ABHD18: variants seen among roughly 807,000 people sequenced by gnomAD.
ABHD18 encodes abhydrolase domain containing 18.
Under a neutral mutation model 65.9 loss-of-function variants are expected in ABHD18, and 55 were observed. The observed-to-expected ratio is 0.84, with a 90% CI of 0.67 to 1.05. The LOEUF (loss-of-function observed/expected upper bound fraction) is 1.05, where lower values mean the gene tolerates loss of function less well. ABHD18 is among the 50% of genes least tolerant of loss of function. ABHD18 has a pLI of 0.00. For missense variants in ABHD18, 533 were observed against 558.5 expected, an observed-to-expected ratio of 0.95 and a Z score of 0.46; for synonymous variants, 181 against 180.2, an observed-to-expected ratio of 1.00 and a Z score of -0.04.
chr4:127,972,695 C>T (rs1439768393), intron 1 of ABHD18, among the ~76,000 whole-genome samples: 2 of 151,746 alleles, frequency 1.3e-5, no homozygotes, highest in African/African-American at 2.4e-5. Flanking sequence ...CGTGAGCCAC[C>T]GTGCCTGGCC....
chr4:127,967,480 A>G (rs1236477584), intron 1 of ABHD18, among the ~76,000 whole-genome samples: 1 of 152,198 alleles, frequency 6.6e-6, no homozygotes, highest in Non-Finnish European at 1.5e-5. Context: ...TTCAGTTTTT[A>G]TCTAAGTGAA....
At position 128,021,162 on chromosome 4, in the gene ABHD18, G is replaced by A; in HGVS notation, c.725G>A (p.Trp242Ter). 1.3e-6 allele frequency: 2 copies of A among 1,547,576 alleles called. No individual in the cohort carries two copies. The highest frequency in any genetic ancestry group is 1.7e-6 in the Non-Finnish European group (2 of 1,144,484). The change falls in exon 10 of 13, where the codon TGG (tryptophan) becomes TAG (stop). Residue 242 changes from tryptophan to a stop codon, truncating the protein, a stop_gained. Coordinates refer to ENST00000645843, the MANE Select transcript of ABHD18 (RefSeq NM_001358451.3). LOFTEE classifies it high-confidence loss of function. ...GGTGTGTTGAGTAAATCAATTAATT[G>A]GAGGGAGCTGGAAAAGCAATATTAT... is the stretch of plus-strand genomic sequence containing the variant. ...TTGVLSKSIN[W>*]RELEKQYYTQ...
At position 128,009,108 on chromosome 4, in the gene ABHD18, A is replaced by G. The variant is rs1302079040; in HGVS notation, c.359A>G (p.His120Arg). 2.5e-6 allele frequency: 4 copies of G among 1,575,990 alleles called. No homozygotes were observed. In the African/African-American group the frequency reaches 4.1e-5, roughly 16 times the overall value. ...GTATGTGTTCTTTTCTTTCCTTAGC[A>G]TTACTGGAGGCGACGAACACTAATG... ...CIHLAGTGDH[H>R]YWRRRTLMAR... is the part of the protein sequence containing the mutation. Residue 120 changes from histidine (H) to arginine (R), a missense_variant and splice_region_variant, in exon 6 of 13, where the codon CAT (histidine) becomes CGT (arginine). His to Arg is a conservative substitution (Grantham distance 29). Transcript: ENST00000645843.
intron 4 of ABHD18, among the ~76,000 whole-genome samples, chr4:128,006,622 G>A (rs1000292206): frequency 2.0e-5 from 3 of 152,174 alleles, no homozygotes; most frequent in Admixed American, 2.0e-4. Flanking sequence ...CAAACCTTCA[G>A]CTGACAGAGT....
chr4:128,001,889 T>C (rs1752703005), intron 4 of ABHD18: 1 of 1,083,088 alleles, frequency 9.2e-7, no homozygotes, highest in Non-Finnish European at 1.2e-6. Flanking sequence ...AGAAGACCCT[T>C]TCAGTTTGAA....
chr4:128,032,083 T>C (rs964368913), intron 12 of ABHD18, among the ~76,000 whole-genome samples: 8 of 152,182 alleles, frequency 5.3e-5, no homozygotes, highest in Non-Finnish European at 1.2e-4. Flanking sequence ...TAAGACGTAT[T>C]AGGAAGAGTA....
intron 1 of ABHD18, among the ~76,000 whole-genome samples, chr4:127,969,020 A>G (rs1046266143): frequency 2.0e-5 from 3 of 152,202 alleles, no homozygotes; most frequent in Non-Finnish European, 4.4e-5. Flanking sequence ...CCCAAACCCC[A>G]GAACCAAATT....
At chr4:128,027,490 C>G (rs527501920) in intron 10 of ABHD18, among the ~76,000 whole-genome samples, 1 of 152,212 alleles carries the variant, frequency 6.6e-6, no homozygotes, top group South Asian at 2.1e-4. Flanking sequence ...ACTGCAACCA[C>G]TGCCTCCCAG....
At chr4:127,970,040 C>T (rs879595987) in intron 1 of ABHD18, among the ~76,000 whole-genome samples, 18 of 151,666 alleles carry the variant, frequency 1.2e-4, no homozygotes, top group Non-Finnish European at 1.5e-4. Context: ...TGAGCCACTG[C>T]GCCTGGCCAG....
chr4:127,976,733 G>A (rs543284422), intron 1 of ABHD18, among the ~76,000 whole-genome samples: 2 of 152,228 alleles, frequency 1.3e-5, no homozygotes, highest in East Asian at 3.9e-4. Context: ...GATATACTTA[G>A]TATAAGTTGT....
At chr4:127,985,530 G>C (rs529550790) in intron 3 of ABHD18, among the ~76,000 whole-genome samples, 1 of 151,710 alleles carries the variant, frequency 6.6e-6, no homozygotes, top group South Asian at 2.1e-4. Flanking sequence ...CTCAAATTTT[G>C]CTAAATATTT....
At chr4:128,006,529 G>A (rs975044870) in intron 4 of ABHD18, among the ~76,000 whole-genome samples, 8 of 152,126 alleles carry the variant, frequency 5.3e-5, no homozygotes, top group Admixed American at 3.3e-4. Flanking sequence ...TGGATAAGGG[G>A]TAATATTACC....
At chr4:128,032,229 T>A (rs1045809531) in intron 12 of ABHD18, among the ~76,000 whole-genome samples, 10 of 152,164 alleles carry the variant, frequency 6.6e-5, no homozygotes, top group African/African-American at 2.4e-4. Flanking sequence ...TTACACAGAA[T>A]AAAGGGAACA....
Position 128,037,274 on chromosome 4 carries a change from A to G in ABHD18, c.*1461A>G, listed in dbSNP as rs968992070. Reference sequence around the variant, plus strand: ...TCGCACCACTGCACTCCAGCCTAGGAGAAGGAGCAAGACTCTGTCTCAAAA... The same window carrying G: ...TCGCACCACTGCACTCCAGCCTAGGGGAAGGAGCAAGACTCTGTCTCAAAA... On this transcript the variant is annotated 3_prime_UTR_variant, in exon 13 of 13. Coordinates refer to ENST00000645843, the MANE Select transcript of ABHD18 (RefSeq NM_001358451.3). 2.6e-5 allele frequency: 4 copies of G among 152,134 alleles called. No individual in the cohort carries two copies. Among genetic ancestry groups the G allele is most frequent in the Non-Finnish European group, 5.9e-5 (4 of 68,086 alleles). The allele number at this position is 152,134 out of a possible 1,614,324, so 9.4% of individuals were successfully genotyped here. A position where few individuals can be genotyped will look rare whatever the true frequency, so the allele number is the denominator to read the frequency against.
Position 128,035,858 on chromosome 4 carries a change from A to C in ABHD18, c.*45A>C. The C allele has an allele frequency of 4.8e-6, 6 of 1,243,684 alleles. No individual in the cohort carries two copies. The highest frequency in any genetic ancestry group is 6.7e-6 in the Non-Finnish European group (6 of 891,586). The allele number at this position is 1,243,684 out of a possible 1,614,324, so 77.0% of individuals were successfully genotyped here. A position where few individuals can be genotyped will look rare whatever the true frequency, so the allele number is the denominator to read the frequency against. ...CAGTGTGGCCATGATGTTTCTTACAAAAGGGAGCTTCATCCTGTGATCATG... is the reference window on the plus strand; with the variant it reads ...CAGTGTGGCCATGATGTTTCTTACACAAGGGAGCTTCATCCTGTGATCATG... On this transcript the variant is annotated 3_prime_UTR_variant, in exon 13 of 13. Coordinates refer to ENST00000645843, the MANE Select transcript of ABHD18 (RefSeq NM_001358451.3).
intron 12 of ABHD18, among the ~76,000 whole-genome samples, chr4:128,034,947 C>T (rs945710607): frequency 5.7e-4 from 87 of 152,208 alleles, no homozygotes; most frequent in African/African-American, 1.9e-3. Flanking sequence ...CCATCGCGCC[C>T]GGCCTGTCTA....
At chr4:127,987,082 G>A (rs1008761016) in intron 3 of ABHD18, among the ~76,000 whole-genome samples, 4 of 152,102 alleles carry the variant, frequency 2.6e-5, no homozygotes, top group East Asian at 1.9e-4. Context: ...GCTGGGTGCC[G>A]TGCCTCACAC....
rs1156788634 is a variant in ABHD18 at position 127,971,482 on chromosome 4, C to CTT, written c.-18+5903_-18+5904dup. Among the ~76,000 whole-genome samples the CTT allele has an allele frequency of 7.3e-4, 38 of 51,930 alleles. 4 individuals carry two copies. The highest frequency in any genetic ancestry group is 8.2e-4 in the African/African-American group (11 of 13,344). 34.1% of individuals were successfully genotyped at this position (51,930 alleles called of 152,430 possible). ...ACTCTCTGAATATGTCCAGAGTTGG[C>CTT]TTTTTTTTTTTTTTTTTTTTTTTTT... On this transcript the variant is annotated intron_variant, in intron 1 of 12. Transcript: ENST00000645843.
chr4:128,011,481 T>G (rs77647284), intron 6 of ABHD18, among the ~76,000 whole-genome samples, 192 bp from the exon 7 acceptor site: 1 of 136,694 alleles, frequency 7.3e-6, no homozygotes, highest in African/African-American at 2.6e-5. Context: ...TAAAGCTGGT[T>G]TTTTTTTTTT....
Sources: gnomAD v4.1 joint callset for allele counts (sites outside exome capture counted in the v4.1 genomes callset) on GRCh38, gnomAD v4.1.1 for gene constraint, MANE v1.5 for transcripts, NCBI Gene and HGNC (gene_info 2026-07-23, HGNC 2026-07-21) for gene names.